OSBPL1A: variants seen among roughly 807,000 people sequenced by gnomAD.
The protein encoded by OSBPL1A is oxysterol binding protein like 1A.
OSBPL1A carries 80 observed loss-of-function variants against 137.1 expected under a neutral mutation model. The observed-to-expected ratio is 0.58, with a 90% CI of 0.49 to 0.70. OSBPL1A has a LOEUF of 0.70. OSBPL1A is among the 30% of genes least tolerant of loss of function. OSBPL1A has a pLI of 0.00. For synonymous variants in OSBPL1A, 365 were observed against 389.7 expected (o/e 0.94, Z 0.75); for missense variants, 970 against 1,129.4 (o/e 0.86, Z 2.02).
chr18:24,245,394 C>A (rs1381000725), intron 15 of OSBPL1A, among the ~76,000 whole-genome samples: 1 of 152,124 alleles, frequency 6.6e-6, no homozygotes, highest in Non-Finnish European at 1.5e-5. Flanking sequence ...CTGGCTGATG[C>A]TTATTGCTGT....
chr18:24,178,115 T>C lies in OSBPL1A; in HGVS notation c.1991A>G (p.Asn664Ser). 1.9e-6 allele frequency: 3 copies of C among 1,613,704 alleles called. No individual in the cohort carries two copies. Among genetic ancestry groups the C allele is most frequent in the Non-Finnish European group, 2.5e-6 (3 of 1,179,688 alleles). ...AGAGCCATGAAAGATGAAGTCATTG[T>C]TTAATCCTTCAGCATGAAATGCACT... ...PISAFHAEGLNNDFIFHGSIY... is the reference protein window; with the variant it reads ...PISAFHAEGLSNDFIFHGSIY... The change falls in exon 21 of 28, where the codon AAC (asparagine) becomes AGC (serine). Residue 664 changes from asparagine to serine, a missense_variant. Coordinates refer to ENST00000319481, the MANE Select transcript of OSBPL1A (RefSeq NM_080597.4).
intron 4 of OSBPL1A, among the ~76,000 whole-genome samples, chr18:24,342,854 T>A (rs2091293814): frequency 6.6e-6 from 1 of 152,084 alleles, no homozygotes; most frequent in Non-Finnish European, 1.5e-5. Context: ...ACATTTTTCA[T>A]ATTTGAGTAT....
intron 17 of OSBPL1A, among the ~76,000 whole-genome samples, chr18:24,197,095 C>A (rs2087056908): frequency 6.6e-6 from 1 of 152,186 alleles, no homozygotes; most frequent in East Asian, 1.9e-4. Context: ...CACCTGTAAT[C>A]CCAGCACATT....
chr18:24,167,280 C>T, intron 25 of OSBPL1A, 49 bp downstream of exon 25: 1 of 1,536,424 alleles, frequency 6.5e-7, no homozygotes, highest in Non-Finnish European at 9.0e-7. Flanking sequence ...AAGAGCGCCA[C>T]AATGCTAAAC....
In OSBPL1A at chr18:24,377,456, C is replaced by G; in HGVS notation, c.78G>C (p.Glu26Asp). The G allele has an allele frequency of 6.2e-7, 1 of 1,612,364 alleles. No individual in the cohort carries two copies. Among genetic ancestry groups the G allele is most frequent in the Non-Finnish European group, 8.5e-7 (1 of 1,179,700 alleles). The change falls in exon 2 of 28, where the codon GAG (glutamate) becomes GAC (aspartate). Residue 26 changes from glutamate to aspartate, a missense_variant. Physicochemically the swap from Glu to Asp is conservative, Grantham distance 45. Around this residue, in one of 2 missense-constraint regions of OSBPL1A, gnomAD observed 647 missense variants for 672.6 expected, o/e 0.96. Coordinates refer to ENST00000319481, the MANE Select transcript of OSBPL1A (RefSeq NM_080597.4). ...CAATCACTTCATTCCTCGCCATGGTCTCTAATAGTTGTCTTACTTCTTCAG... is the reference window on the plus strand; with the variant it reads ...CAATCACTTCATTCCTCGCCATGGTGTCTAATAGTTGTCTTACTTCTTCAG... ...GNAEEVRQLL[E>D]TMARNEVIAD...
intron 12 of OSBPL1A, among the ~76,000 whole-genome samples, chr18:24,313,805 T>G (rs1240403765): frequency 4.6e-5 from 7 of 152,104 alleles, no homozygotes; most frequent in African/African-American, 1.7e-4. Context: ...AGGCTTCATT[T>G]AAAAAGTACA....
At position 24,267,652 on chromosome 18, in the gene OSBPL1A, T is replaced by TA. The variant is rs368586703; in HGVS notation, c.1281+13189dup. Among the ~76,000 whole-genome samples, 493 of 152,288 alleles carry TA rather than the reference T, an allele frequency of 3.2e-3. 4 individuals carry two copies. The highest frequency in any genetic ancestry group is 0.012 in the African/African-American group (481 of 41,564). On this transcript the variant is annotated intron_variant, in intron 15 of 27. Transcript: ENST00000319481. ...CTGGAAACAGTCCAAATATATCATT[T>TA]ACCAGCTTAGCAGATTTAAAAAAAC...
rs755704954 is a variant in OSBPL1A at position 24,318,644 on chromosome 18, A to T, written c.689T>A (p.Val230Asp). 3.4e-5 allele frequency: 54 copies of T among 1,609,580 alleles called. 1 individual carries two copies. The East Asian group carries it at 1.2e-3, about 35-fold the overall frequency. Reference protein sequence around the residue: ...EMKHILVGNKVIYKALKRYEG... With the variant: ...EMKHILVGNKDIYKALKRYEG... ...ATATCGTTTCAATGCTTTGTAGATG[A>T]CCTGTCAAAAACATGTTTTCATGAA... is the stretch of plus-strand genomic sequence containing the variant. The change falls in exon 9 of 28, where the codon GTC (valine) becomes GAC (aspartate). Residue 230 changes from valine (V) to aspartate (D), a missense_variant and splice_region_variant. Val to Asp is a radical substitution (Grantham distance 152). This residue lies in a region of OSBPL1A where 647 missense variants were observed against 672.6 expected (regional missense o/e 0.96). Coordinates refer to ENST00000319481, the MANE Select transcript of OSBPL1A (RefSeq NM_080597.4).
chr18:24,397,028 C>T (rs139395347), intron 1 of OSBPL1A, among the ~76,000 whole-genome samples: 59 of 152,294 alleles, frequency 3.9e-4, no homozygotes, highest in African/African-American at 1.4e-3. Flanking sequence ...TTCACAATAC[C>T]GTCTGCCTAA....
intron 17 of OSBPL1A, among the ~76,000 whole-genome samples, chr18:24,207,825 A>G (rs1216999797): frequency 1.3e-5 from 2 of 152,130 alleles, no homozygotes; most frequent in African/African-American, 4.8e-5. Context: ...GGCTCACTGC[A>G]TCCTCTGCCT....
intron 17 of OSBPL1A, among the ~76,000 whole-genome samples, chr18:24,197,309 T>G (rs2087063976): frequency 6.6e-6 from 1 of 152,190 alleles, no homozygotes. Flanking sequence ...GTCACGCCAT[T>G]GCACTCCAGC....
chr18:24,196,669 T>C (rs2087042924), intron 17 of OSBPL1A, among the ~76,000 whole-genome samples: 1 of 152,208 alleles, frequency 6.6e-6, no homozygotes, highest in South Asian at 2.1e-4. Context: ...TAGAAAACTT[T>C]CATAAAAGCC....
intron 15 of OSBPL1A, among the ~76,000 whole-genome samples, chr18:24,248,242 A>C (rs1233379418): frequency 6.6e-6 from 1 of 152,222 alleles, no homozygotes; most frequent in Non-Finnish European, 1.5e-5. Context: ...TCCTCAACCT[A>C]ATTGATTCCA....
chr18:24,193,311 AC>A (rs1348621754), intron 18 of OSBPL1A, among the ~76,000 whole-genome samples: 1 of 151,790 alleles, frequency 6.6e-6, no homozygotes, highest in Non-Finnish European at 1.5e-5. Flanking sequence ...ACATGGTGAA[AC>A]CCCATCTCTG....
chr18:24,226,228 G>C (rs901992471), intron 16 of OSBPL1A, among the ~76,000 whole-genome samples: 3 of 152,140 alleles, frequency 2.0e-5, no homozygotes, highest in Non-Finnish European at 4.4e-5. Flanking sequence ...GCATCAAAAG[G>C]ATGCTTTAGT....
chr18:24,311,624 C>G (rs1186688844), intron 13 of OSBPL1A: 1 of 459,882 alleles, frequency 2.2e-6, no homozygotes, highest in African/African-American at 2.1e-5. Flanking sequence ...TATTTAAACT[C>G]TGAAATGTGC....
intron 4 of OSBPL1A, among the ~76,000 whole-genome samples, chr18:24,352,492 A>T (rs1334207997): frequency 6.6e-6 from 1 of 152,236 alleles, no homozygotes; most frequent in Non-Finnish European, 1.5e-5. Flanking sequence ...CATACTGCCC[A>T]AGGTAATTTA....
intron 4 of OSBPL1A, among the ~76,000 whole-genome samples, chr18:24,345,917 G>A (rs538480558): frequency 3.3e-5 from 5 of 152,140 alleles, no homozygotes; most frequent in Admixed American, 2.6e-4. Context: ...TATACTCCCT[G>A]CCCCTAGAGC....
intron 7 of OSBPL1A, among the ~76,000 whole-genome samples, chr18:24,325,136 G>T (rs976106532): frequency 6.6e-6 from 1 of 152,092 alleles, no homozygotes; most frequent in African/African-American, 2.4e-5. Context: ...GAATGTATAA[G>T]AAAGGCATGA....
Sources: allele counts gnomAD v4.1 joint callset (sites outside exome capture counted in the v4.1 genomes callset), GRCh38; gene constraint gnomAD v4.1.1; regional missense constraint gnomAD v4.1.1; transcripts MANE v1.5; gene names NCBI Gene and HGNC (gene_info 2026-07-23, HGNC 2026-07-21).